The following TSG101 variants were observed in gnomAD, a reference collection of about 807,000 sequenced individuals.
The protein encoded by TSG101 is tumor susceptibility 101.
TSG101 carries 19 observed loss-of-function variants against 48.5 expected under a neutral mutation model. The ratio of observed to expected loss-of-function variants is 0.39; its 90% CI spans 0.27 to 0.58. The LOEUF is 0.58. TSG101 is among the 20% of genes least tolerant of loss of function. The pLI, the probability that TSG101 is intolerant of heterozygous loss-of-function variation, is 0.55. For synonymous variants in TSG101, 174 were observed against 169.4 expected (o/e 1.03, Z -0.21); for missense variants, 365 against 484.4 (o/e 0.75, Z 2.31).
intron 6 of TSG101, among the ~76,000 whole-genome samples, chr11:18,504,044 T>C (rs956938019): frequency 6.6e-6 from 1 of 151,400 alleles, no homozygotes; most frequent in African/African-American, 2.4e-5. Context: ...TCTACAAAAA[T>C]AGAAAAATTA....
intron 2 of TSG101, among the ~76,000 whole-genome samples, chr11:18,519,044 A>G (rs1850225354): frequency 6.6e-6 from 1 of 152,184 alleles, no homozygotes; most frequent in African/African-American, 2.4e-5. Flanking sequence ...TCTGTTGCCC[A>G]GGCTGGAGTG....
In TSG101 at chr11:18,496,450, A is replaced by ATAACATAAC. The variant is rs1565085902; in HGVS notation, c.640+6035_640+6036insGTTATGTTA. Among the ~76,000 whole-genome samples the ATAACATAAC allele has an allele frequency of 3.9e-4, 10 of 25,948 alleles. 1 individual carries two copies. Among genetic ancestry groups the ATAACATAAC allele is most frequent in the African/African-American group, 9.0e-4 (10 of 11,088 alleles). 17.0% of individuals were successfully genotyped at this position (25,948 alleles called of 152,430 possible). On this transcript the variant is annotated intron_variant, in intron 7 of 9. Coordinates refer to ENST00000251968, the MANE Select transcript of TSG101 (RefSeq NM_006292.4). ...GAGCGAAACTCTGTCTCAAAAATAAAATAAAATAAAATAAAATAAAATAAA... is the reference window on the plus strand; with the variant it reads ...GAGCGAAACTCTGTCTCAAAAATAAATAACATAACATAAAATAAAATAAAATAAAATAAA...
At chr11:18,525,821 A>G in intron 1 of TSG101, 3 of 353,332 alleles carry the variant, frequency 8.5e-6, no homozygotes, top group Non-Finnish European at 1.2e-5. Flanking sequence ...TTGGTCTTCA[A>G]TCAAGAACTA....
rs1849545796 is a variant in TSG101 at position 18,481,823 on chromosome 11, T to C, written c.890A>G (p.Glu297Gly). The change falls in exon 9 of 10, where the codon GAA (glutamate) becomes GGA (glycine). Residue 297 changes from glutamate (E) to glycine (G), a missense_variant. Physicochemically the swap from Glu to Gly is moderately conservative, Grantham distance 98 (BLOSUM62 -2). Transcript: ENST00000251968. Reference protein sequence around the residue: ...NIELLKKKDEELSSALEKMEN... With the variant: ...NIELLKKKDEGLSSALEKMEN... ...CATTTTTTCCAGAGCAGAACTGAGT[T>C]CTTCATCCTTCTTTTTCAAAAGTTC... is the stretch of plus-strand genomic sequence containing the variant. 1.9e-6 allele frequency: 3 copies of C among 1,614,020 alleles called. No individual in the cohort carries two copies. Among genetic ancestry groups the C allele is most frequent in the Non-Finnish European group, 2.5e-6 (3 of 1,180,024 alleles).
chr11:18,512,018 A>T (rs1032958235), intron 4 of TSG101, among the ~76,000 whole-genome samples: 9 of 152,168 alleles, frequency 5.9e-5, no homozygotes, highest in Non-Finnish European at 1.3e-4. Flanking sequence ...TTTAATTATC[A>T]TACCATTCCT....
intron 4 of TSG101, among the ~76,000 whole-genome samples, chr11:18,514,085 CAA>C (rs765168236): frequency 1.4e-4 from 19 of 131,348 alleles, no homozygotes; most frequent in Non-Finnish European, 1.5e-4. Flanking sequence ...ACTCTGTCTC[CAA>C]AAAAAAAAAA....
chr11:18,512,300 G>A (rs1289242455), intron 4 of TSG101, among the ~76,000 whole-genome samples: 1 of 152,144 alleles, frequency 6.6e-6, no homozygotes, highest in Non-Finnish European at 1.5e-5. Flanking sequence ...CAGCTACTCA[G>A]GAGGTTGAGG....
intron 4 of TSG101, among the ~76,000 whole-genome samples, chr11:18,511,976 T>TCA (rs1488999261): frequency 7.9e-5 from 12 of 152,210 alleles, no homozygotes; most frequent in Non-Finnish European, 1.6e-4. Context: ...AATTCTTCAT[T>TCA]CATACATTCT....
At chr11:18,506,773 A>G (rs1229783779) in intron 6 of TSG101, 84 bp downstream of exon 6, 8 of 1,080,036 alleles carry the variant, frequency 7.4e-6, no homozygotes, top group African/African-American at 1.6e-5. Flanking sequence ...ATTTATTTTA[A>G]TGCCCTAATT....
intron 7 of TSG101, among the ~76,000 whole-genome samples, chr11:18,496,301 G>C (rs946989233): frequency 6.6e-6 from 1 of 151,640 alleles, no homozygotes; most frequent in Non-Finnish European, 1.5e-5. Flanking sequence ...AAATTAGTGG[G>C]TGTGGTGGCA....
intron 7 of TSG101, among the ~76,000 whole-genome samples, chr11:18,489,196 G>A (rs1050259438): frequency 1.3e-5 from 2 of 151,004 alleles, no homozygotes; most frequent in African/African-American, 2.4e-5. Context: ...TACTCCTCAA[G>A]TGAAAGGCAA....
chr11:18,502,679 T>C, intron 6 of TSG101, 102 bp from the exon 7 acceptor site: 2 of 812,688 alleles, frequency 2.5e-6, no homozygotes, highest in Non-Finnish European at 3.9e-6. Flanking sequence ...ATGGTTGTTT[T>C]ACCAGTTGAT....
chr11:18,517,519 T>A (rs1850199203), intron 2 of TSG101, among the ~76,000 whole-genome samples: 1 of 152,196 alleles, frequency 6.6e-6, no homozygotes, highest in Non-Finnish European at 1.5e-5. Flanking sequence ...TGTGTAATGT[T>A]TGGGTCTACA....
At position 18,509,636 on chromosome 11, in the gene TSG101, C is replaced by G. The variant is rs758020891; in HGVS notation, c.387G>C (p.Gln129His). Residue 129 changes from glutamine (Q) to histidine (H), a missense_variant, in exon 5 of 10, where the codon CAG (glutamine) becomes CAC (histidine). Transcript: ENST00000251968. ...HPQSDLLGLI[Q>H]VMIVVFGDEP... Reference sequence around the variant, plus strand: ...CATCTCCAAATACCACAATCATGACCTGAATAAGCCCCAACAAGTCTGACT... The same window carrying G: ...CATCTCCAAATACCACAATCATGACGTGAATAAGCCCCAACAAGTCTGACT... 5.6e-6 allele frequency: 9 copies of G among 1,611,946 alleles called. No homozygotes were observed. Among genetic ancestry groups the G allele is most frequent in the Non-Finnish European group, 7.6e-6 (9 of 1,178,666 alleles).
chr11:18,519,369 C>G, intron 2 of TSG101, 150 bp downstream of exon 2: 1 of 625,004 alleles, frequency 1.6e-6, no homozygotes, highest in Non-Finnish European at 2.8e-6. Flanking sequence ...ATTAGATCTT[C>G]TAATTTGCTA....
intron 4 of TSG101, among the ~76,000 whole-genome samples, chr11:18,510,166 A>G (rs368828756): frequency 6.6e-6 from 1 of 152,242 alleles, no homozygotes; most frequent in Admixed American, 6.5e-5. Flanking sequence ...CACACCTGTA[A>G]TCCCAGCACT....
intron 1 of TSG101, among the ~76,000 whole-genome samples, chr11:18,524,273 G>A (rs930620770): frequency 6.6e-6 from 1 of 152,260 alleles, no homozygotes; most frequent in Admixed American, 6.5e-5. Flanking sequence ...AGAGAAAGGT[G>A]TTGAAAGTTA....
intron 7 of TSG101, among the ~76,000 whole-genome samples, chr11:18,495,584 G>A (rs1048909152): frequency 6.6e-6 from 1 of 151,786 alleles, no homozygotes; most frequent in Admixed American, 6.6e-5. Context: ...GATTAAGATA[G>A]GTATAGTCAG....
intron 1 of TSG101, among the ~76,000 whole-genome samples, chr11:18,521,691 T>C (rs2133934372): frequency 7.1e-6 from 1 of 140,358 alleles, no homozygotes; most frequent in Non-Finnish European, 1.6e-5. Flanking sequence ...TTTTTTTTTT[T>C]TTTTTGAGAC....
Sources: gnomAD v4.1 joint callset for allele counts (sites outside exome capture counted in the v4.1 genomes callset) on GRCh38, gnomAD v4.1.1 for gene constraint, MANE v1.5 for transcripts, NCBI Gene and HGNC (gene_info 2026-07-23, HGNC 2026-07-21) for gene names.